The following NT5DC1 variants were observed in gnomAD, a reference collection of about 807,000 sequenced individuals.
The protein encoded by NT5DC1 is 5'-nucleotidase domain-containing protein 1.
NT5DC1 carries 42 observed loss-of-function variants against 59.4 expected under a neutral mutation model. The observed-to-expected ratio is 0.71, with a 90% CI of 0.55 to 0.92. The LOEUF (loss-of-function observed/expected upper bound fraction) is 0.92, where lower values mean the gene tolerates loss of function less well. Ranked by LOEUF, NT5DC1 falls within the 40% of genes least tolerant of loss-of-function variation. The pLI is 0.00. For missense variants in NT5DC1, 501 were observed against 537.1 expected (o/e 0.93, Z 0.66); for synonymous variants, 172 against 188.1 (o/e 0.91, Z 0.70).
chr6:116,233,298 T>C (rs550529157), intron 8 of NT5DC1, among the ~76,000 whole-genome samples: 21 of 152,314 alleles, frequency 1.4e-4, no homozygotes, highest in African/African-American at 5.0e-4. Flanking sequence ...ATTGTGAAAA[T>C]AATAAACTAT....
At chr6:116,160,470 GT>G (rs140839434) in intron 6 of NT5DC1, among the ~76,000 whole-genome samples, 2 of 151,458 alleles carry the variant, frequency 1.3e-5, no homozygotes, top group South Asian at 2.1e-4. Context: ...AATTTTTGTG[GT>G]TTTTTTTCTT....
chr6:116,154,531 G>GA (rs201589052), intron 6 of NT5DC1, among the ~76,000 whole-genome samples: 5 of 150,574 alleles, frequency 3.3e-5, no homozygotes, highest in South Asian at 2.1e-4. Flanking sequence ...AAATGCTGAT[G>GA]AAAAAAAAAT....
At chr6:116,109,014 A>T (rs1778815008) in intron 3 of NT5DC1, among the ~76,000 whole-genome samples, 1 of 152,184 alleles carries the variant, frequency 6.6e-6, no homozygotes, top group African/African-American at 2.4e-5. Context: ...GAGTGGGCCC[A>T]GCCTCTCAAC....
chr6:116,125,525 A>AG, intron 6 of NT5DC1: 2 of 1,610,052 alleles, frequency 1.2e-6, no homozygotes, highest in Non-Finnish European at 1.7e-6. Flanking sequence ...ACAGAAAAGA[A>AG]TAACTTTATA....
chr6:116,182,222 A>AGTGTGTGT lies in NT5DC1; in HGVS notation c.530-38807_530-38800dup, dbSNP rs35883565. Among the ~76,000 whole-genome samples, 400 of 124,676 alleles carry AGTGTGTGT rather than the reference A, an allele frequency of 3.2e-3. 2 individuals carry two copies. Among genetic ancestry groups the AGTGTGTGT allele is most frequent in the Middle Eastern group, 0.016 (4 of 256 alleles). The allele number at this position is 124,676 out of a possible 152,430, so 81.8% of individuals were successfully genotyped here. ...TATGGCTGAGTAGTATTCCATGGAG[A>AGTGTGTGT]GTGTGTGTGTGTGTGTGTGTGTGTG... On this transcript the variant is annotated intron_variant, in intron 6 of 11. Transcript: ENST00000319550.
chr6:116,111,884 A>G (rs1461455604), intron 4 of NT5DC1, among the ~76,000 whole-genome samples: 2 of 152,206 alleles, frequency 1.3e-5, no homozygotes, highest in African/African-American at 4.8e-5. Flanking sequence ...GTCAGATGGG[A>G]GGAAAGCCTC....
At chr6:116,144,842 G>A (rs775064597) in intron 6 of NT5DC1, among the ~76,000 whole-genome samples, 2 of 152,102 alleles carry the variant, frequency 1.3e-5, no homozygotes, top group Non-Finnish European at 2.9e-5. Context: ...TGCATGATAG[G>A]AGAATGAGAG....
At chr6:116,152,615 C>G (rs998022352) in intron 6 of NT5DC1, among the ~76,000 whole-genome samples, 5 of 152,092 alleles carry the variant, frequency 3.3e-5, no homozygotes, top group Admixed American at 6.6e-5. Flanking sequence ...CTTTATTTAA[C>G]CCCTTAACAT....
intron 6 of NT5DC1, among the ~76,000 whole-genome samples, chr6:116,178,088 T>TGCGCGC (rs770350675): frequency 2.0e-5 from 2 of 99,624 alleles, no homozygotes; most frequent in African/African-American, 9.3e-5. Flanking sequence ...TGTGTGTGTG[T>TGCGCGC]GCGCGCGCGC....
chr6:116,175,526 C>G (rs1780715250), intron 6 of NT5DC1, among the ~76,000 whole-genome samples: 1 of 152,200 alleles, frequency 6.6e-6, no homozygotes, highest in Non-Finnish European at 1.5e-5. Flanking sequence ...TGTCTCTCCT[C>G]TTTCTCTGGG....
In NT5DC1 at chr6:116,112,663, A is replaced by G. The variant is rs570124257; in HGVS notation, c.364+1707A>G. Among the ~76,000 whole-genome samples the G allele has an allele frequency of 7.9e-5, 12 of 152,310 alleles. No homozygotes were observed. The East Asian group carries it at 2.1e-3, about 27-fold the overall frequency. The stretch of plus-strand genomic sequence containing the variant: ...GATATATTTAATCAGGCTCCTAGCA[A>G]TGGACATTTATGTTGTATCTGGTGT... On this transcript the variant is annotated intron_variant, in intron 4 of 11. Coordinates refer to ENST00000319550, the MANE Select transcript of NT5DC1 (RefSeq NM_152729.3).
At chr6:116,220,135 T>C (rs1413000710) in intron 6 of NT5DC1, among the ~76,000 whole-genome samples, 3 of 147,716 alleles carry the variant, frequency 2.0e-5, no homozygotes, top group African/African-American at 7.5e-5. Context: ...TTTTTTTTTT[T>C]TTTTTTTTTT....
At chr6:116,120,488 T>A (rs1779081247) in intron 6 of NT5DC1, 2 of 1,614,110 alleles carry the variant, frequency 1.2e-6, no homozygotes, top group African/African-American at 2.7e-5. Context: ...TACCCCCTGG[T>A]TGGCACTAAC....
intron 8 of NT5DC1, among the ~76,000 whole-genome samples, chr6:116,230,089 T>G (rs1023533474): frequency 8.5e-5 from 13 of 152,178 alleles, no homozygotes; most frequent in African/African-American, 3.1e-4. Context: ...TGCTATGCAT[T>G]AAATCCTGCT....
intron 6 of NT5DC1, among the ~76,000 whole-genome samples, chr6:116,196,925 A>G (rs73774226): frequency 0.039 from 5,967 of 151,426 alleles, 176 homozygotes; most frequent in African/African-American, 0.079. Flanking sequence ...GATATCCTCA[A>G]ATGGAATAGC....
At chr6:116,158,222 G>A (rs1780247150) in intron 6 of NT5DC1, among the ~76,000 whole-genome samples, 1 of 151,860 alleles carries the variant, frequency 6.6e-6, no homozygotes. Flanking sequence ...TATTACAAGT[G>A]AGTGTAGATC....
chr6:116,151,413 ATACCCT>A (rs1780034646), intron 6 of NT5DC1, among the ~76,000 whole-genome samples: 1 of 152,214 alleles, frequency 6.6e-6, no homozygotes, highest in African/African-American at 2.4e-5. Flanking sequence ...TTTTTGGTTT[ATACCCT>A]CTAAGTGATT....
chr6:116,108,269 C>A (rs1778804654), intron 2 of NT5DC1, 95 bp from the exon 3 acceptor site: 1 of 788,774 alleles, frequency 1.3e-6, no homozygotes, highest in South Asian at 1.4e-5. Context: ...GGCAGAATCC[C>A]TTTTTAGCAT....
At chr6:116,240,025 C>G (rs551770362) in intron 11 of NT5DC1, among the ~76,000 whole-genome samples, 1 of 152,084 alleles carries the variant, frequency 6.6e-6, no homozygotes, top group Non-Finnish European at 1.5e-5. Context: ...GAATTAGACA[C>G]AGATGAAAAG....
Sources: allele counts gnomAD v4.1 joint callset (sites outside exome capture counted in the v4.1 genomes callset), GRCh38; gene constraint gnomAD v4.1.1; transcripts MANE v1.5; gene names NCBI Gene and HGNC (gene_info 2026-07-23, HGNC 2026-07-21).